The following UGT1A6 variants were observed in gnomAD, a reference collection of about 807,000 sequenced individuals.
UGT1A6 encodes UDP glucuronosyltransferase family 1 member A6.
Under a neutral mutation model 44.4 loss-of-function variants are expected in UGT1A6, and 32 were observed. The observed-to-expected ratio is 0.72, with a 90% CI of 0.54 to 0.97. UGT1A6 has a LOEUF of 0.97. Among genes scored for constraint, UGT1A6 ranks in the 50% least tolerant of loss-of-function variants. The pLI, the probability that UGT1A6 is intolerant of heterozygous loss-of-function variation, is 0.00. For missense variants in UGT1A6, 685 were observed against 661.9 expected, an observed-to-expected ratio of 1.03 and a Z score of -0.38; for synonymous variants, 238 against 248.5, an observed-to-expected ratio of 0.96 and a Z score of 0.40.
rs2076750903 is a variant in UGT1A6, at chr2:233,719,310, T to G, written c.861+25445T>G. On this transcript the variant is annotated intron_variant, in intron 1 of 4. Transcript: ENST00000305139. The stretch of plus-strand genomic sequence containing the variant: ...CCTCTGTGGGGCGGTGCTGGCTAAG[T>G]ACCTGTCGATTCCTGCTGTGTTTTT... 5 of 1,613,982 alleles carry G rather than the reference T, an allele frequency of 3.1e-6. No homozygotes were observed. In the East Asian group the frequency reaches 1.1e-4, roughly 36 times the overall value.
chr2:233,700,547 G>A (rs949945687), intron 1 of UGT1A6, among the ~76,000 whole-genome samples: 1 of 152,060 alleles, frequency 6.6e-6, no homozygotes. Context: ...ATGAGAATAA[G>A]GGGTTATAAA....
At chr2:233,731,160 C>T (rs1477166439) in intron 1 of UGT1A6, among the ~76,000 whole-genome samples, 4 of 151,954 alleles carry the variant, frequency 2.6e-5, no homozygotes, top group South Asian at 2.1e-4. Flanking sequence ...TTTGATCAAA[C>T]GACATGATTT....
chr2:233,711,980 C>T (rs1575497324), intron 1 of UGT1A6, among the ~76,000 whole-genome samples: 1 of 152,172 alleles, frequency 6.6e-6, no homozygotes, highest in African/African-American at 2.4e-5. Flanking sequence ...ACTAGAGCCC[C>T]CACAAATTAT....
chr2:233,767,688 C>T (rs1214650284), intron 2 of UGT1A6, among the ~76,000 whole-genome samples, 161 bp from the exon 3 acceptor site: 2 of 152,144 alleles, frequency 1.3e-5, no homozygotes, highest in Non-Finnish European at 2.9e-5. Context: ...AACAAGATGC[C>T]GGAAGTTGCC....
intron 1 of UGT1A6, among the ~76,000 whole-genome samples, chr2:233,762,456 GATA>G (rs1312099964): frequency 6.6e-6 from 1 of 152,130 alleles, no homozygotes; most frequent in African/African-American, 2.4e-5. Flanking sequence ...CCCACTTACC[GATA>G]ATGTCATGGA....
chr2:233,750,021 A>C (rs894423402), intron 1 of UGT1A6, among the ~76,000 whole-genome samples: 1 of 151,886 alleles, frequency 6.6e-6, no homozygotes, highest in African/African-American at 2.4e-5. Context: ...AGAGTGGAGT[A>C]CTGCTATAAA....
intron 1 of UGT1A6, among the ~76,000 whole-genome samples, chr2:233,759,703 C>T (rs1054711590): frequency 1.3e-5 from 2 of 150,732 alleles, no homozygotes; most frequent in African/African-American, 4.9e-5. Context: ...CCTCATGGCG[C>T]GTGCTCGTGT....
At chr2:233,765,660 C>G (rs1450693381) in intron 1 of UGT1A6, among the ~76,000 whole-genome samples, 1 of 151,428 alleles carries the variant, frequency 6.6e-6, no homozygotes, top group South Asian at 2.1e-4. Flanking sequence ...GTGCAGCAAA[C>G]CACCATGGCA....
At chr2:233,735,887 T>A (rs2078706567) in intron 1 of UGT1A6, among the ~76,000 whole-genome samples, 1 of 152,242 alleles carries the variant, frequency 6.6e-6, no homozygotes, top group Non-Finnish European at 1.5e-5. Flanking sequence ...CTGCTGTTAG[T>A]CTGATGGGCT....
intron 1 of UGT1A6, among the ~76,000 whole-genome samples, chr2:233,749,397 T>C (rs756585861): frequency 1.2e-4 from 18 of 151,970 alleles, no homozygotes; most frequent in Admixed American, 2.0e-4. Context: ...TGTGAACATA[T>C]TCTCTAGTGT....
intron 1 of UGT1A6, chr2:233,761,148 C>G: frequency 6.2e-7 from 1 of 1,614,128 alleles, no homozygotes; most frequent in South Asian, 1.1e-5. Flanking sequence ...ATCCACTATC[C>G]CAGGTGTGTA....
At chr2:233,720,076 G>A (rs1239558691) in intron 1 of UGT1A6, among the ~76,000 whole-genome samples, 1 of 152,116 alleles carries the variant, frequency 6.6e-6, no homozygotes, top group African/African-American at 2.4e-5. Context: ...TTAGAATTGT[G>A]GACATGATAA....
intron 1 of UGT1A6, among the ~76,000 whole-genome samples, chr2:233,751,156 T>G (rs1334188650): frequency 6.6e-6 from 1 of 151,998 alleles, no homozygotes; most frequent in Non-Finnish European, 1.5e-5. Context: ...ACTTCTGGCA[T>G]CAGCATGACC....
At position 233,693,145 on chromosome 2, in the gene UGT1A6, G is replaced by A. The variant is rs1469805529; in HGVS notation, c.141G>A (p.Glu47=). ...GGCTTAGTATGAAGGATATAGTTGA[G>A]GTTCTCAGTGACCGGGGTCATGAGA... The part of the protein sequence containing the change: ...SHWLSMKDIV[E]VLSDRGHEIV... Residue 47 remains glutamate, a synonymous_variant, in exon 1 of 5, where the codon GAG becomes GAA. Transcript: ENST00000305139. The A allele has an allele frequency of 1.9e-6, 3 of 1,614,086 alleles. No individual in the cohort carries two copies. Among genetic ancestry groups the A allele is most frequent in the African/African-American group, 2.7e-5 (2 of 74,948 alleles).
chr2:233,699,909 T>C (rs1178305639), intron 1 of UGT1A6, among the ~76,000 whole-genome samples: 3 of 152,182 alleles, frequency 2.0e-5, no homozygotes, highest in Non-Finnish European at 4.4e-5. Flanking sequence ...GTCAGTAGGA[T>C]ATACGTAGAG....
chr2:233,747,877 A>G, intron 1 of UGT1A6: 2 of 1,613,450 alleles, frequency 1.2e-6, no homozygotes, highest in Non-Finnish European at 1.7e-6. Context: ...GCCCTGTCCT[A>G]CCTTTGCCAT....
At position 233,755,083 on chromosome 2, in the gene UGT1A6, C is replaced by T. The variant is rs755765570; in HGVS notation, c.862-11951C>T. ...GCCTCGCCATAGCGGTCATAGATAT[C>T]GCGTTTCTACGCGTCCGACAACACC... On this transcript the variant is annotated intron_variant, in intron 1 of 4. Transcript: ENST00000305139. The T allele has an allele frequency of 3.0e-6, 4 of 1,335,262 alleles. No individual in the cohort carries two copies. In the South Asian group the frequency reaches 3.4e-5, roughly 11 times the overall value. 82.7% of individuals were successfully genotyped at this position (1,335,262 alleles called of 1,614,324 possible). A position where few individuals can be genotyped will look rare whatever the true frequency, so the allele number is the denominator to read the frequency against.
intron 1 of UGT1A6, among the ~76,000 whole-genome samples, chr2:233,745,573 G>T (rs1271557146): frequency 6.6e-6 from 1 of 151,620 alleles, no homozygotes; most frequent in African/African-American, 2.4e-5. Flanking sequence ...AGCCTCTAGT[G>T]ACATAACCTG....
intron 1 of UGT1A6, among the ~76,000 whole-genome samples, chr2:233,716,034 G>GCAT (rs1226945298): frequency 1.3e-5 from 2 of 152,146 alleles, no homozygotes; most frequent in Non-Finnish European, 2.9e-5. Flanking sequence ...TTTGATGTCA[G>GCAT]CATTCTGATT....
Sources: allele counts gnomAD v4.1 joint callset (sites outside exome capture counted in the v4.1 genomes callset), GRCh38; gene constraint gnomAD v4.1.1; transcripts MANE v1.5; gene names NCBI Gene and HGNC (gene_info 2026-07-23, HGNC 2026-07-21).